PCLO: variants seen among roughly 807,000 people sequenced by gnomAD.
PCLO encodes piccolo presynaptic cytomatrix protein.
A neutral mutation model predicts 427.5 loss-of-function variants in PCLO; 82 were observed. The observed-to-expected ratio is 0.19, with a 90% CI of 0.16 to 0.23. The LOEUF (loss-of-function observed/expected upper bound fraction) is 0.23. Ranked by LOEUF, PCLO falls within the 10% of genes least tolerant of loss-of-function variation. The pLI is 1.00. For synonymous variants in PCLO, 2,357 were observed against 2,155.4 expected (o/e 1.09, Z -2.59); for missense variants, 6,239 against 6,115.9 (o/e 1.02, Z -0.67).
intron 16 of PCLO, among the ~76,000 whole-genome samples, chr7:82,834,195 T>C (rs1159896774): frequency 2.6e-5 from 4 of 152,288 alleles, no homozygotes; most frequent in African/African-American, 9.6e-5. Context: ...CTGATAATTT[T>C]CCCCAAGTTT....
intron 10 of PCLO, among the ~76,000 whole-genome samples, chr7:82,857,752 A>C (rs1217943071): frequency 6.6e-6 from 1 of 152,142 alleles, no homozygotes; most frequent in Non-Finnish European, 1.5e-5. Flanking sequence ...TCTCAATCAA[A>C]ATTTAAGAGT....
chr7:82,846,599 T>G lies in PCLO; in HGVS notation c.13799A>C (p.Gln4600Pro). 1 of 1,609,040 alleles carries G rather than the reference T, an allele frequency of 6.2e-7. No individual in the cohort carries two copies. Among genetic ancestry groups the G allele is most frequent in the African/African-American group, 1.3e-5 (1 of 74,834 alleles). Residue 4600 changes from glutamine to proline, a missense_variant, in exon 12 of 25, where the codon CAG becomes CCG. Physicochemically the swap from Gln to Pro is moderately conservative, Grantham distance 76. This residue lies in a region of PCLO where 877 missense variants were observed against 925.5 expected (regional missense o/e 0.95). Transcript: ENST00000333891. ...TGGTGGCTCATGAAGTTCCAGATGC[T>G]GGGAATTTTCAGAATCTGATAGCAT... is the stretch of plus-strand genomic sequence containing the variant. ...LNMLSDSENS[Q>P]HLELHEPPKA... is the part of the protein sequence containing the mutation.
chr7:82,813,392 G>A (rs1315363423), intron 20 of PCLO, among the ~76,000 whole-genome samples: 3 of 151,672 alleles, frequency 2.0e-5, no homozygotes, highest in Non-Finnish European at 4.4e-5. Flanking sequence ...GCAGTGGATT[G>A]TACAGGTTAT....
At chr7:83,139,557 C>T (rs1283274614) in intron 2 of PCLO, among the ~76,000 whole-genome samples, 1 of 152,112 alleles carries the variant, frequency 6.6e-6, no homozygotes, top group Non-Finnish European at 1.5e-5. Context: ...ATGGATATAT[C>T]TCTACCTAAG....
intron 16 of PCLO, among the ~76,000 whole-genome samples, chr7:82,829,385 T>C (rs919655350): frequency 2.0e-5 from 3 of 152,124 alleles, no homozygotes; most frequent in African/African-American, 7.2e-5. Context: ...ATTAGGATTT[T>C]TGAAGGCTCG....
chr7:83,002,784 C>CCATT (rs1289037876), intron 3 of PCLO, among the ~76,000 whole-genome samples: 1 of 151,698 alleles, frequency 6.6e-6, no homozygotes. Flanking sequence ...TAAGAAGCAG[C>CCATT]CATTCATTCA....
intron 6 of PCLO, among the ~76,000 whole-genome samples, chr7:82,918,836 G>T (rs1794530277): frequency 6.6e-6 from 1 of 151,974 alleles, no homozygotes; most frequent in East Asian, 1.9e-4. Flanking sequence ...ATAAAAAGAG[G>T]AGAATATGAA....
intron 3 of PCLO, among the ~76,000 whole-genome samples, chr7:83,115,181 G>A (rs1282682210): frequency 6.6e-6 from 1 of 152,026 alleles, no homozygotes; most frequent in Non-Finnish European, 1.5e-5. Context: ...CAATGAAAAG[G>A]TATATTGTTA....
chr7:82,860,698 C>G (rs890818317), intron 10 of PCLO, among the ~76,000 whole-genome samples: 1 of 151,906 alleles, frequency 6.6e-6, no homozygotes, highest in Non-Finnish European at 1.5e-5. Flanking sequence ...GTAAACTACT[C>G]TTATCCTAGG....
chr7:82,980,334 C>A (rs1796118680), intron 3 of PCLO, among the ~76,000 whole-genome samples: 1 of 152,096 alleles, frequency 6.6e-6, no homozygotes, highest in Admixed American at 6.6e-5. Flanking sequence ...AGTGGTGTCA[C>A]CGGGAATACA....
chr7:82,803,339 T>A (rs890241832), intron 21 of PCLO, among the ~76,000 whole-genome samples: 7 of 152,064 alleles, frequency 4.6e-5, no homozygotes, highest in Non-Finnish European at 7.4e-5. Context: ...AAATAAATAT[T>A]CTTATACTAT....
intron 6 of PCLO, among the ~76,000 whole-genome samples, chr7:82,946,175 T>C (rs1037789820): frequency 6.6e-6 from 1 of 152,196 alleles, no homozygotes; most frequent in African/African-American, 2.4e-5. Context: ...CAAGACTTGC[T>C]AAGATTTCAT....
chr7:82,895,119 A>T (rs993405623), intron 9 of PCLO, among the ~76,000 whole-genome samples: 1 of 152,092 alleles, frequency 6.6e-6, no homozygotes, highest in African/African-American at 2.4e-5. Flanking sequence ...AAAATAATTG[A>T]ATCATACCAA....
At chr7:82,779,274 T>C (rs1790819731) in intron 22 of PCLO, among the ~76,000 whole-genome samples, 2 of 152,162 alleles carry the variant, frequency 1.3e-5, no homozygotes, top group African/African-American at 4.8e-5. Flanking sequence ...CCTTGATTTT[T>C]TCTCTTTGTC....
At chr7:82,782,678 T>C (rs763820752) in intron 22 of PCLO, among the ~76,000 whole-genome samples, 5 of 152,206 alleles carry the variant, frequency 3.3e-5, no homozygotes, top group Non-Finnish European at 7.3e-5. Context: ...TAATATAAAA[T>C]AGTATAGAAT....
intron 3 of PCLO, among the ~76,000 whole-genome samples, chr7:82,994,404 G>A (rs990677737): frequency 9.9e-5 from 15 of 151,996 alleles, no homozygotes; most frequent in African/African-American, 3.1e-4. Flanking sequence ...AGGAAGTGAC[G>A]TAAGAGCTAA....
chr7:82,762,814 C>T (rs775855159), intron 22 of PCLO, among the ~76,000 whole-genome samples: 5 of 151,920 alleles, frequency 3.3e-5, no homozygotes, highest in Non-Finnish European at 7.4e-5. Flanking sequence ...TTTCTTTCTT[C>T]TTCCTTCTGT....
At chr7:82,838,569 C>A (rs566549142) in intron 14 of PCLO, among the ~76,000 whole-genome samples, 28 of 151,718 alleles carry the variant, frequency 1.8e-4, no homozygotes, top group Non-Finnish European at 3.7e-4. Flanking sequence ...AGTGAAAAGG[C>A]CTGGCCTGTT....
rs1313945692 is a variant in PCLO at position 82,955,446 on chromosome 7, G to A, written c.5507C>T (p.Ala1836Val). Residue 1836 changes from alanine (A) to valine (V), a missense_variant, in exon 5 of 25, where the codon GCA becomes GTA. Ala to Val is a moderately conservative substitution (Grantham distance 64, BLOSUM62 0). Transcript: ENST00000333891. ...CTGACGTAACTCTTCTGTCGGAGATGCATCTTCAATGGGAGAGAGATTACT... is the reference window on the plus strand; with the variant it reads ...CTGACGTAACTCTTCTGTCGGAGATACATCTTCAATGGGAGAGAGATTACT... ...PPSNLSPIED[A>V]SPTEELRQAA... 1.2e-6 allele frequency: 2 copies of A among 1,613,574 alleles called. No individual in the cohort carries two copies. The highest frequency in any genetic ancestry group is 1.7e-6 in the Non-Finnish European group (2 of 1,179,728).
Sources: gnomAD v4.1 joint callset for allele counts (sites outside exome capture counted in the v4.1 genomes callset) on GRCh38, gnomAD v4.1.1 for gene constraint, gnomAD v4.1.1 regional missense constraint, MANE v1.5 for transcripts, NCBI Gene and HGNC (gene_info 2026-07-23, HGNC 2026-07-21) for gene names.